PDE3A: variants seen among roughly 807,000 people sequenced by gnomAD.
The protein encoded by PDE3A is cGMP-inhibited 3',5'-cyclic phosphodiesterase 3A.
A neutral mutation model predicts 98.3 loss-of-function variants in PDE3A; 43 were observed. The ratio of observed to expected loss-of-function variants is 0.44; its 90% CI spans 0.34 to 0.56. PDE3A has a LOEUF of 0.56. Among genes scored for constraint, PDE3A ranks in the 20% least tolerant of loss-of-function variants. The pLI, the probability that PDE3A is intolerant of heterozygous loss-of-function variation, is 0.01. For missense variants in PDE3A, 1,427 were observed against 1,440.7 expected (o/e 0.99, Z 0.15); for synonymous variants, 663 against 567.9 (o/e 1.17, Z -2.38).
chr12:20,607,839 C>CTT (rs1415573995), intron 2 of PDE3A, among the ~76,000 whole-genome samples: 1 of 151,966 alleles, frequency 6.6e-6, no homozygotes, highest in South Asian at 2.1e-4. Context: ...AGTTTTAAGA[C>CTT]TTTTCTTTAA....
At chr12:20,638,689 G>T (rs907961040) in intron 9 of PDE3A, among the ~76,000 whole-genome samples, 1 of 152,088 alleles carries the variant, frequency 6.6e-6, no homozygotes, top group African/African-American at 2.4e-5. Flanking sequence ...GCCTGTAACG[G>T]TGCCACAGGA....
chr12:20,631,981 C>T (rs375506996), intron 6 of PDE3A, among the ~76,000 whole-genome samples: 2 of 152,240 alleles, frequency 1.3e-5, no homozygotes, highest in East Asian at 1.9e-4. Context: ...GGCGTTGAAT[C>T]CCAGTCTCTT....
At chr12:20,590,028 G>A (rs773684996) in intron 2 of PDE3A, among the ~76,000 whole-genome samples, 72 of 152,048 alleles carry the variant, frequency 4.7e-4, no homozygotes, top group Admixed American at 1.2e-3. Context: ...AGTTGGCAAC[G>A]TATTACATGG....
intron 1 of PDE3A, among the ~76,000 whole-genome samples, chr12:20,532,107 C>T (rs1238328477): frequency 6.6e-6 from 1 of 151,916 alleles, no homozygotes; most frequent in Non-Finnish European, 1.5e-5. Flanking sequence ...TTAGTTTGTG[C>T]TTATTTACTA....
intron 1 of PDE3A, among the ~76,000 whole-genome samples, chr12:20,456,184 A>C (rs77012524): frequency 6.6e-6 from 1 of 152,118 alleles, no homozygotes; most frequent in African/African-American, 2.4e-5. Flanking sequence ...TTTAGAGAGA[A>C]TTGGAAGCAT....
intron 15 of PDE3A, among the ~76,000 whole-genome samples, chr12:20,665,206 A>C (rs1231863307): frequency 6.6e-6 from 1 of 152,152 alleles, no homozygotes; most frequent in East Asian, 1.9e-4. Flanking sequence ...GGCAAGCATC[A>C]TATTTATCTT....
chr12:20,632,876 A>C (rs1284523420), intron 6 of PDE3A, among the ~76,000 whole-genome samples: 1 of 151,288 alleles, frequency 6.6e-6, no homozygotes, highest in African/African-American at 2.4e-5. Flanking sequence ...ATTTCAACCT[A>C]TGCTGTCTTA....
chr12:20,425,040 G>T (rs943064589), intron 1 of PDE3A, among the ~76,000 whole-genome samples: 9 of 152,184 alleles, frequency 5.9e-5, no homozygotes, highest in Admixed American at 5.2e-4. Context: ...GTGGAATCCT[G>T]TGTCATTCAT....
intron 1 of PDE3A, among the ~76,000 whole-genome samples, chr12:20,426,150 G>A (rs1466879545): frequency 6.6e-6 from 1 of 152,096 alleles, no homozygotes; most frequent in Non-Finnish European, 1.5e-5. Context: ...ATGGCAACTA[G>A]AAGAGATTTT....
At chr12:20,523,668 G>A (rs1946468573) in intron 1 of PDE3A, among the ~76,000 whole-genome samples, 1 of 152,148 alleles carries the variant, frequency 6.6e-6, no homozygotes, top group Admixed American at 6.5e-5. Flanking sequence ...CTGAGCTGTT[G>A]ACCAAAGCAA....
intron 1 of PDE3A, among the ~76,000 whole-genome samples, chr12:20,488,540 C>G (rs1004910327): frequency 1.3e-5 from 2 of 152,018 alleles, no homozygotes; most frequent in Non-Finnish European, 2.9e-5. Context: ...AAGCAAGATG[C>G]AATTCGCAGC....
At chr12:20,472,380 T>C (rs910011322) in intron 1 of PDE3A, among the ~76,000 whole-genome samples, 3 of 152,192 alleles carry the variant, frequency 2.0e-5, no homozygotes, top group Non-Finnish European at 4.4e-5. Context: ...AGTTAGCTTT[T>C]GTACATTCCT....
Position 20,370,228 on chromosome 12 carries a change from G to T in PDE3A, c.944G>T (p.Cys315Phe). 1 of 1,563,002 alleles carries T rather than the reference G, an allele frequency of 6.4e-7. No individual in the cohort carries two copies. ...TCCCATCGGAGGACCTCCCTGCCCT[G>T]TATACCGAGGGAACAGGTAAGCACT... ...SKSHRRTSLPCIPREQLMGHS... is the reference protein window; with the variant it reads ...SKSHRRTSLPFIPREQLMGHS... Residue 315 changes from cysteine (C) to phenylalanine (F), a missense_variant, in exon 1 of 16, where the codon TGT becomes TTT. Physicochemically the swap from Cys to Phe is radical, Grantham distance 205. Coordinates refer to ENST00000359062, the MANE Select transcript of PDE3A (RefSeq NM_000921.5).
intron 1 of PDE3A, among the ~76,000 whole-genome samples, chr12:20,526,563 T>A (rs1265710545): frequency 6.6e-6 from 1 of 152,196 alleles, no homozygotes; most frequent in Admixed American, 6.5e-5. Flanking sequence ...CAGAGATCCA[T>A]GTTCTGTGAA....
intron 1 of PDE3A, among the ~76,000 whole-genome samples, chr12:20,429,183 A>G (rs1178996826): frequency 6.6e-6 from 1 of 152,246 alleles, no homozygotes; most frequent in Non-Finnish European, 1.5e-5. Context: ...GATGAAATAC[A>G]TAACATAGTG....
chr12:20,634,913 C>G lies in PDE3A; in HGVS notation c.1858C>G (p.Gln620Glu). ...TCTTTTAATTGTAGATGACACTGCT[C>G]AAGTTACCTCTGATTATGAAACCAA... is the stretch of plus-strand genomic sequence containing the variant. ...RTPSRTDDTAQVTSDYETNNN... is the reference protein window; with the variant it reads ...RTPSRTDDTAEVTSDYETNNN... The change falls in exon 8 of 16, where the codon CAA (glutamine) becomes GAA (glutamate). Residue 620 changes from glutamine (Q) to glutamate (E), a missense_variant. By Grantham distance (29) the Gln-to-Glu change is conservative. This residue lies in a region of PDE3A where 1,012 missense variants were observed against 886.5 expected (regional missense o/e 1.14). Transcript: ENST00000359062. 4 of 1,609,112 alleles carry G rather than the reference C, an allele frequency of 2.5e-6. No individual in the cohort carries two copies. Among genetic ancestry groups the G allele is most frequent in the Non-Finnish European group, 3.4e-6 (4 of 1,175,592 alleles).
chr12:20,665,379 CAATT>C (rs1378265803), intron 15 of PDE3A, among the ~76,000 whole-genome samples: 3 of 152,178 alleles, frequency 2.0e-5, no homozygotes, highest in African/African-American at 7.2e-5. Context: ...TATTTTTCCT[CAATT>C]AAAGGATGTA....
chr12:20,591,692 G>C (rs1943343014), intron 2 of PDE3A, among the ~76,000 whole-genome samples: 1 of 152,182 alleles, frequency 6.6e-6, no homozygotes, highest in African/African-American at 2.4e-5. Flanking sequence ...TTTTTTCTCA[G>C]ACTCAAAAAC....
At chr12:20,370,928 GAACTTTGGAATTGTTCAAAATTGTC>G (rs1465385221) in intron 1 of PDE3A, among the ~76,000 whole-genome samples, 1 of 152,146 alleles carries the variant, frequency 6.6e-6, no homozygotes, top group Non-Finnish European at 1.5e-5. Context: ...TAATATGTCT[GAACTTTGGAATTGTTCAAAATTGTC>G]AACTGCGTTT....
Sources: gnomAD v4.1 joint callset for allele counts (sites outside exome capture counted in the v4.1 genomes callset) on GRCh38, gnomAD v4.1.1 for gene constraint, gnomAD v4.1.1 regional missense constraint, MANE v1.5 for transcripts, NCBI Gene and HGNC (gene_info 2026-07-23, HGNC 2026-07-21) for gene names.